The following ARHGEF28 variants were observed in gnomAD, a reference collection of about 807,000 sequenced individuals.
The protein encoded by ARHGEF28 is 190 kDa guanine nucleotide exchange factor.
ARHGEF28 carries 152 observed loss-of-function variants against 206.6 expected under a neutral mutation model. The observed-to-expected ratio is 0.74, with a 90% confidence interval of 0.64 to 0.84. The LOEUF is 0.84. Ranked by LOEUF, ARHGEF28 falls within the 40% of genes least tolerant of loss-of-function variation. ARHGEF28 has a pLI of 0.00. For synonymous variants in ARHGEF28, 763 were observed against 776.4 expected, an observed-to-expected ratio of 0.98 and a Z score of 0.29; for missense variants, 2,028 against 2,073.2, an observed-to-expected ratio of 0.98 and a Z score of 0.42.
intron 1 of ARHGEF28, among the ~76,000 whole-genome samples, chr5:73,649,500 G>A (rs1744660101): frequency 6.6e-6 from 1 of 152,236 alleles, no homozygotes; most frequent in Non-Finnish European, 1.5e-5. Flanking sequence ...TAGCCATAAG[G>A]TGGTTTGACT....
At position 73,872,910 on chromosome 5, in the gene ARHGEF28, A is replaced by C. The variant is rs1285308248; in HGVS notation, c.2567-89A>C. ...TAAACATTTCTTTTTTATTTGCGTA[A>C]CATATAGTGTTGAGTTACTAATTTA... On this transcript the variant is annotated intron_variant, in intron 21 of 35. Transcript: ENST00000513042. 2.1e-6 allele frequency: 3 copies of C among 1,413,360 alleles called. No individual in the cohort carries two copies. In the East Asian group the frequency reaches 7.0e-5, roughly 33 times the overall value. The allele number at this position is 1,413,360 out of a possible 1,614,324, so 87.6% of individuals were successfully genotyped here.
At chr5:73,678,807 A>G (rs576015889) in intron 1 of ARHGEF28, among the ~76,000 whole-genome samples, 3,883 of 151,786 alleles carry the variant, frequency 0.026, 174 homozygotes, top group African/African-American at 0.089. Context: ...TAAAAAAAAA[A>G]GGGGGGGAGT....
intron 35 of ARHGEF28, among the ~76,000 whole-genome samples, chr5:73,917,664 G>A (rs758693949): frequency 5.3e-5 from 8 of 152,194 alleles, no homozygotes; most frequent in Non-Finnish European, 8.8e-5. Context: ...CCAGCCATGC[G>A]GGTGTCTGTT....
chr5:73,836,659 G>A (rs2112568354), intron 10 of ARHGEF28, among the ~76,000 whole-genome samples: 1 of 152,056 alleles, frequency 6.6e-6, no homozygotes, highest in South Asian at 2.1e-4. Context: ...AGATTTTTTG[G>A]TTTGGTGTAG....
chr5:73,687,085 G>A (rs891603612), intron 2 of ARHGEF28, among the ~76,000 whole-genome samples: 1 of 151,986 alleles, frequency 6.6e-6, no homozygotes. Flanking sequence ...GGTTCATATT[G>A]TTGTCATTTC....
intron 1 of ARHGEF28, among the ~76,000 whole-genome samples, chr5:73,628,578 A>G (rs1046534718): frequency 2.3e-4 from 35 of 152,336 alleles, no homozygotes; most frequent in African/African-American, 7.7e-4. Flanking sequence ...CTTTTAGTGA[A>G]GCAGAGTAGC....
chr5:73,891,257 A>G (rs1219154655), intron 26 of ARHGEF28, among the ~76,000 whole-genome samples: 2 of 152,058 alleles, frequency 1.3e-5, no homozygotes, highest in African/African-American at 4.8e-5. Flanking sequence ...TGGGGAATCA[A>G]AGGTCTTGCC....
intron 2 of ARHGEF28, among the ~76,000 whole-genome samples, chr5:73,699,151 C>CTGTG (rs141319721): frequency 6.7e-6 from 1 of 150,278 alleles, no homozygotes; most frequent in East Asian, 1.9e-4. Context: ...TCCCCTAGAG[C>CTGTG]TGTGTGTGTG....
At chr5:73,800,784 A>C (rs1755084181) in intron 9 of ARHGEF28, among the ~76,000 whole-genome samples, 1 of 152,202 alleles carries the variant, frequency 6.6e-6, no homozygotes, top group Admixed American at 6.5e-5. Context: ...ACCGAGAGAG[A>C]AACAAAGCCT....
intron 35 of ARHGEF28, among the ~76,000 whole-genome samples, chr5:73,929,666 A>C (rs1428398197): frequency 6.6e-6 from 1 of 152,176 alleles, no homozygotes; most frequent in African/African-American, 2.4e-5. Flanking sequence ...TATTTATTTC[A>C]GATCTTCGCC....
chr5:73,763,548 G>A (rs1164964191), intron 4 of ARHGEF28, among the ~76,000 whole-genome samples: 1 of 152,126 alleles, frequency 6.6e-6, no homozygotes, highest in African/African-American at 2.4e-5. Flanking sequence ...AGACTGCAAT[G>A]TATTTTCATT....
intron 35 of ARHGEF28, among the ~76,000 whole-genome samples, chr5:73,913,870 G>A (rs1285348939): frequency 6.6e-6 from 1 of 152,120 alleles, no homozygotes; most frequent in Non-Finnish European, 1.5e-5. Flanking sequence ...TTCATTGTTA[G>A]GCCATAACGT....
intron 11 of ARHGEF28, among the ~76,000 whole-genome samples, chr5:73,845,259 G>A (rs757860842): frequency 3.3e-5 from 5 of 151,912 alleles, no homozygotes; most frequent in South Asian, 2.1e-4. Flanking sequence ...CTCATGATCC[G>A]CCCACCTTGG....
At chr5:73,789,969 C>T (rs181854494) in intron 7 of ARHGEF28, among the ~76,000 whole-genome samples, 7 of 152,240 alleles carry the variant, frequency 4.6e-5, no homozygotes, top group East Asian at 3.9e-4. Context: ...CACTATTTCT[C>T]GGTTTCAAGA....
At chr5:73,860,040 T>C (rs1353198176) in intron 16 of ARHGEF28, among the ~76,000 whole-genome samples, 1 of 152,250 alleles carries the variant, frequency 6.6e-6, no homozygotes, top group Non-Finnish European at 1.5e-5. Flanking sequence ...ACTGGTTTCC[T>C]GTTTCCAGGT....
chr5:73,870,060 A>G lies in ARHGEF28; in HGVS notation c.2426-9A>G, dbSNP rs1759994682. On this transcript the variant is annotated splice_polypyrimidine_tract_variant and intron_variant, in intron 20 of 35. Coordinates refer to ENST00000513042, the MANE Select transcript of ARHGEF28 (RefSeq NM_001177693.2). Reference sequence around the variant, plus strand: ...TACTTCTGGCTTTTCTTTTCTAAACACACATTAGATGTTGTGGATTCTTCT... The same window carrying G: ...TACTTCTGGCTTTTCTTTTCTAAACGCACATTAGATGTTGTGGATTCTTCT... 1 of 1,606,952 alleles carries G rather than the reference A, an allele frequency of 6.2e-7. No individual in the cohort carries two copies. Among genetic ancestry groups the G allele is most frequent in the Middle Eastern group, 1.7e-4 (1 of 6,006 alleles).
intron 35 of ARHGEF28, among the ~76,000 whole-genome samples, chr5:73,917,800 GA>G (rs1205230110): frequency 6.6e-6 from 1 of 152,144 alleles, no homozygotes; most frequent in Non-Finnish European, 1.5e-5. Flanking sequence ...CTTTAAAAAT[GA>G]AAAAAATAAT....
At chr5:73,815,763 G>A (rs372998161) in intron 9 of ARHGEF28, among the ~76,000 whole-genome samples, 2 of 152,126 alleles carry the variant, frequency 1.3e-5, no homozygotes, top group African/African-American at 4.8e-5. Context: ...TGGCCAGTAC[G>A]AGCTGCAACA....
At chr5:73,853,700 A>G (rs2973565) in intron 14 of ARHGEF28, among the ~76,000 whole-genome samples, 35,018 of 152,122 alleles carry the variant, frequency 0.23, 4,502 homozygotes, top group Non-Finnish European at 0.29. Context: ...CAAATATTGA[A>G]CATTTGTATG....
Sources: allele counts gnomAD v4.1 joint callset (sites outside exome capture counted in the v4.1 genomes callset), GRCh38; gene constraint gnomAD v4.1.1; transcripts MANE v1.5; gene names NCBI Gene and HGNC (gene_info 2026-07-23, HGNC 2026-07-21).